The following LMO3 variants were observed in gnomAD, a reference collection of about 807,000 sequenced individuals.
The protein encoded by LMO3 is LIM domain only protein 3.
LMO3 carries 2 observed loss-of-function variants against 15.8 expected under a neutral mutation model. The observed-to-expected ratio is 0.13, with a 90% CI of 0.05 to 0.40. LMO3 has a LOEUF of 0.40. LMO3 is among the 10% of genes least tolerant of loss of function. LMO3 has a pLI of 0.99. For synonymous variants in LMO3, 62 were observed against 63.8 expected (o/e 0.97, Z 0.13); for missense variants, 86 against 182.2 (o/e 0.47, Z 3.04).
At chr12:16,568,187 C>G (rs1436177284) in intron 2 of LMO3, among the ~76,000 whole-genome samples, 1 of 152,082 alleles carries the variant, frequency 6.6e-6, no homozygotes, top group Non-Finnish European at 1.5e-5. Context: ...TAGAACTACA[C>G]AAGACTTGTA....
At chr12:16,580,613 GATCATAGTCTAAAAA>G (rs1412612668) in intron 2 of LMO3, among the ~76,000 whole-genome samples, 1 of 152,046 alleles carries the variant, frequency 6.6e-6, no homozygotes, top group Non-Finnish European at 1.5e-5. Context: ...GAAAAATGTA[GATCATAGTCTAAAAA>G]ATTAGGTTAC....
intron 3 of LMO3, among the ~76,000 whole-genome samples, chr12:16,554,096 AAT>A (rs1942096081): frequency 1.3e-5 from 2 of 152,212 alleles, no homozygotes; most frequent in Admixed American, 6.5e-5. Context: ...TTTTGGAATT[AAT>A]ATGAGATGTA....
chr12:16,565,219 A>G lies in LMO3; in HGVS notation c.207-4681T>C, dbSNP rs558886082. 2.2e-4 allele frequency among the ~76,000 whole-genome samples: 33 copies of G among 152,350 alleles called. No individual in the cohort carries two copies. In the East Asian group the frequency reaches 4.8e-3, roughly 22 times the overall value. On this transcript the variant is annotated intron_variant, in intron 2 of 3. Transcript: ENST00000537304. The stretch of plus-strand genomic sequence containing the variant: ...TTCGAAGACTATGAAATTGCAATCA[A>G]TTGAAAAGATTTTTAACTTTTGACT...
At chr12:16,572,429 TA>T (rs565584358) in intron 2 of LMO3, among the ~76,000 whole-genome samples, 5,056 of 142,016 alleles carry the variant, frequency 0.036, 132 homozygotes, top group African/African-American at 0.076. Flanking sequence ...TCTTCTTTAT[TA>T]AAAAAAAAAC....
chr12:16,594,887 A>G (rs1943601076), intron 2 of LMO3, among the ~76,000 whole-genome samples: 1 of 151,606 alleles, frequency 6.6e-6, no homozygotes, highest in South Asian at 2.1e-4. Flanking sequence ...CACTTAATGG[A>G]AGTTAATGGT....
At chr12:16,600,455 T>A in intron 2 of LMO3, 200 bp downstream of exon 2, 1 of 578,840 alleles carries the variant, frequency 1.7e-6, no homozygotes, top group Admixed American at 3.1e-5. Context: ...TGAAATACTT[T>A]AAATATTGTG....
chr12:16,583,896 AAG>A (rs1943241045), intron 2 of LMO3, among the ~76,000 whole-genome samples: 1 of 152,170 alleles, frequency 6.6e-6, no homozygotes, highest in Non-Finnish European at 1.5e-5. Flanking sequence ...AATTAGGAGA[AAG>A]AGACATGACA....
At chr12:16,600,451 A>G in intron 2 of LMO3, 2 of 574,298 alleles carry the variant, frequency 3.5e-6, no homozygotes, top group Non-Finnish European at 6.2e-6. Flanking sequence ...AAATTGAAAT[A>G]CTTTAAATAT....
chr12:16,605,915 C>A, intron 1 of LMO3, 151 bp downstream of exon 1: 1 of 1,283,160 alleles, frequency 7.8e-7, no homozygotes, highest in South Asian at 1.3e-5. Flanking sequence ...GTGAAAGTTG[C>A]AGTGCGGAGC....
At position 16,591,750 on chromosome 12, in the gene LMO3, G is replaced by C. The variant is rs182886611; in HGVS notation, c.206+8905C>G. Among the ~76,000 whole-genome samples the C allele has an allele frequency of 1.6e-4, 25 of 152,176 alleles. No individual in the cohort carries two copies. Among genetic ancestry groups the C allele is most frequent in the Admixed American group, 1.4e-3 (22 of 15,268 alleles). On this transcript the variant is annotated intron_variant, in intron 2 of 3. Coordinates refer to ENST00000537304, the MANE Select transcript of LMO3 (RefSeq NM_018640.5). This position sits in a 1 kb window ranked among gnomAD's most constrained non-coding sequence, Gnocchi z 4.1. ...AATACAAATAGCATGAAAGTTACAA[G>C]CTAAGTCTGTCTTGCTCTGCACCCA...
At chr12:16,570,719 T>C (rs192338025) in intron 2 of LMO3, among the ~76,000 whole-genome samples, 1 of 152,290 alleles carries the variant, frequency 6.6e-6, no homozygotes, top group Admixed American at 6.5e-5. Context: ...AACTCACTTG[T>C]TCTGATGTAA....
chr12:16,554,337 T>C (rs971214116), intron 3 of LMO3, among the ~76,000 whole-genome samples: 4 of 152,254 alleles, frequency 2.6e-5, no homozygotes, highest in Admixed American at 2.6e-4. Flanking sequence ...CTGACAATTA[T>C]GATTAATTTC....
rs191027030 is a variant in LMO3 at position 16,591,053 on chromosome 12, C to T, written c.206+9602G>A. On this transcript the variant is annotated intron_variant, in intron 2 of 3. Transcript: ENST00000537304. The surrounding 1 kb of genome is among the most constrained non-coding windows in gnomAD (Gnocchi z 4.1). ...CAACTGCCTCACTGAATAAGCTTTACAATGGTTTTCAAATTGAAGTATTAT... is the reference window on the plus strand; with the variant it reads ...CAACTGCCTCACTGAATAAGCTTTATAATGGTTTTCAAATTGAAGTATTAT... 6.6e-6 allele frequency among the ~76,000 whole-genome samples: 1 copy of T among 152,024 alleles called. No homozygotes were observed. Among genetic ancestry groups the T allele is most frequent in the Non-Finnish European group, 1.5e-5 (1 of 67,982 alleles).
At chr12:16,567,427 T>C (rs1407108816) in intron 2 of LMO3, 2 of 152,378 alleles carry the variant, frequency 1.3e-5, no homozygotes, top group African/African-American at 4.8e-5. Flanking sequence ...CGAGAAGTGC[T>C]CTACAATAAA....
At position 16,560,386 on chromosome 12, in the gene LMO3, T is replaced by A; in HGVS notation, c.332+27A>T. Reference sequence around the variant, plus strand: ...CCAGCACAGAGAGGTTAACCATTTCTTAGAGACCAAAAAGAGACCTGCTTA... The same window carrying A: ...CCAGCACAGAGAGGTTAACCATTTCATAGAGACCAAAAAGAGACCTGCTTA... On this transcript the variant is annotated intron_variant, in intron 3 of 3. Coordinates refer to ENST00000537304, the MANE Select transcript of LMO3 (RefSeq NM_018640.5). This position sits in a 1 kb window ranked among gnomAD's most constrained non-coding sequence, Gnocchi z 5.0. The A allele has an allele frequency of 6.2e-7, 1 of 1,606,492 alleles. No homozygotes were observed. Among genetic ancestry groups the A allele is most frequent in the African/African-American group, 1.3e-5 (1 of 74,620 alleles).
At chr12:16,592,351 G>C (rs964421711) in intron 2 of LMO3, among the ~76,000 whole-genome samples, 2 of 151,916 alleles carry the variant, frequency 1.3e-5, no homozygotes, top group African/African-American at 4.8e-5. Flanking sequence ...CTAATAAATG[G>C]TCACAGAAAA....
intron 1 of LMO3, among the ~76,000 whole-genome samples, 162 bp from the exon 2 acceptor site, chr12:16,601,030 A>C (rs1232619444): frequency 4.6e-5 from 7 of 152,242 alleles, no homozygotes; most frequent in Admixed American, 4.6e-4. Flanking sequence ...AAAAAGTCTC[A>C]AACTTTATCA....
Position 16,603,035 on chromosome 12 carries a change from C to T in LMO3, c.-8-2167G>A, listed in dbSNP as rs1217999687. Among the ~76,000 whole-genome samples, 1 of 151,286 alleles carries T rather than the reference C, an allele frequency of 6.6e-6. No homozygotes were observed. The highest frequency in any genetic ancestry group is 1.5e-5 in the Non-Finnish European group (1 of 67,866). ...AGTAGCAGCTAAGTTATATTTCCCA[C>T]AGTTGTGTTTCTACCATCAAGCATA... On this transcript the variant is annotated intron_variant, in intron 1 of 3. Transcript: ENST00000537304. The surrounding 1 kb of genome is among the most constrained non-coding windows in gnomAD (Gnocchi z 4.9).
intron 2 of LMO3, among the ~76,000 whole-genome samples, chr12:16,581,540 C>A (rs562898970): frequency 6.6e-6 from 1 of 152,258 alleles, no homozygotes; most frequent in South Asian, 2.1e-4. Flanking sequence ...TATAACACTA[C>A]CCATTATAGA....
Sources: gnomAD v4.1 joint callset for allele counts (sites outside exome capture counted in the v4.1 genomes callset) on GRCh38, gnomAD v4.1.1 for gene constraint, Gnocchi (gnomAD v3.1) non-coding constraint, MANE v1.5 for transcripts, NCBI Gene and HGNC (gene_info 2026-07-23, HGNC 2026-07-21) for gene names.